Variants in GALNT9 observed in about 807,000 individuals in gnomAD.
GALNT9 encodes the protein polypeptide N-acetylgalactosaminyltransferase 9.
A neutral mutation model predicts 63.1 loss-of-function variants in GALNT9; 47 were observed. That is an observed-to-expected ratio of 0.75 (90% confidence interval 0.59 to 0.95). The LOEUF is 0.95. Ranked by LOEUF, GALNT9 falls within the 40% of genes least tolerant of loss-of-function variation. The pLI is 0.00. For synonymous variants in GALNT9, 396 were observed against 365.7 expected (o/e 1.08, Z -0.94); for missense variants, 829 against 874.8 (o/e 0.95, Z 0.66).
At chr12:132,321,655 C>T (rs536473539) in intron 1 of GALNT9, among the ~76,000 whole-genome samples, 7 of 152,244 alleles carry the variant, frequency 4.6e-5, no homozygotes, top group South Asian at 2.1e-4. Flanking sequence ...GCACTTCCCC[C>T]GGATTCTCTC....
chr12:132,222,847 A>G (rs1377576441), intron 6 of GALNT9, among the ~76,000 whole-genome samples: 1 of 126,502 alleles, frequency 7.9e-6, no homozygotes, highest in Non-Finnish European at 1.7e-5. Flanking sequence ...CAACCCGCAC[A>G]CCACACACAC....
At chr12:132,204,672 G>A (rs530310229) in intron 6 of GALNT9, among the ~76,000 whole-genome samples, 1 of 152,014 alleles carries the variant, frequency 6.6e-6, no homozygotes, top group African/African-American at 2.4e-5. Flanking sequence ...CTAAGCCCAC[G>A]TCCCCACCAT....
At position 132,329,211 on chromosome 12, in the gene GALNT9, G is replaced by A. The variant is rs1555246778; in HGVS notation, c.-8C>T. 6.5e-7 allele frequency: 1 copy of A among 1,540,288 alleles called. No individual in the cohort carries two copies. The highest frequency in any genetic ancestry group is 1.4e-5 in the African/African-American group (1 of 72,776). ...CTTCCTGGCCACCGCCATGAACACG[G>A]CTGCAGCGGGGGCCTCACCCGCGGG... is the stretch of plus-strand genomic sequence containing the variant. On this transcript the variant is annotated 5_prime_UTR_variant, in exon 1 of 11. Coordinates refer to ENST00000328957, the MANE Select transcript of GALNT9 (RefSeq NM_001122636.2).
In GALNT9 at chr12:132,252,069, G is replaced by A. The variant is rs577257121; in HGVS notation, c.960-4042C>T. ...CTCCGTGATGAGGATGGTCCCCAGC[G>A]TCTGTCTGGGAGAAAGGAGCAGGGG... is the stretch of plus-strand genomic sequence containing the variant. On this transcript the variant is annotated intron_variant, in intron 5 of 10. Transcript: ENST00000328957. This position sits in a 1 kb window ranked among gnomAD's most constrained non-coding sequence, Gnocchi z 5.2. 4.6e-5 allele frequency among the ~76,000 whole-genome samples: 7 copies of A among 152,342 alleles called. No homozygotes were observed. The highest frequency in any genetic ancestry group is 7.2e-5 in the African/African-American group (3 of 41,576).
chr12:132,319,638 G>A lies in GALNT9; in HGVS notation c.238+9328C>T, dbSNP rs1555245962. Among the ~76,000 whole-genome samples, 1 of 152,106 alleles carries A rather than the reference G, an allele frequency of 6.6e-6. No individual in the cohort carries two copies. Among genetic ancestry groups the A allele is most frequent in the Non-Finnish European group, 1.5e-5 (1 of 68,018 alleles). On this transcript the variant is annotated intron_variant, in intron 1 of 10. Coordinates refer to ENST00000328957, the MANE Select transcript of GALNT9 (RefSeq NM_001122636.2). This position sits in a 1 kb window ranked among gnomAD's most constrained non-coding sequence, Gnocchi z 5.2. Reference sequence around the variant, plus strand: ...CGGGAGAGCCCTGACGCACACACTAGCTGAGTTTGCTTTTCAACAGGCCTT... The same window carrying A: ...CGGGAGAGCCCTGACGCACACACTAACTGAGTTTGCTTTTCAACAGGCCTT...
At chr12:132,198,341 G>T (rs952930363) in intron 9 of GALNT9, among the ~76,000 whole-genome samples, 1 of 152,208 alleles carries the variant, frequency 6.6e-6, no homozygotes, top group Non-Finnish European at 1.5e-5. Flanking sequence ...TTCCCGTGGG[G>T]TTAGAAACGT....
chr12:132,261,998 T>C (rs28579147), intron 3 of GALNT9, among the ~76,000 whole-genome samples: 9,466 of 152,042 alleles, frequency 0.062, 983 homozygotes, highest in African/African-American at 0.21. Context: ...GCAAGAGAGG[T>C]GGGAGGCGTG....
chr12:132,263,117 G>T (rs1879467662), intron 2 of GALNT9, among the ~76,000 whole-genome samples: 1 of 152,102 alleles, frequency 6.6e-6, no homozygotes, highest in Non-Finnish European at 1.5e-5. Context: ...CGGCGCTGCT[G>T]GGCACAGCCG....
chr12:132,272,264 C>T (rs975024688), intron 2 of GALNT9, among the ~76,000 whole-genome samples: 13 of 152,314 alleles, frequency 8.5e-5, no homozygotes, highest in African/African-American at 2.9e-4. Context: ...ACCCCCTCAA[C>T]GGGACAGAGT....
At chr12:132,247,304 G>C in intron 6 of GALNT9, 1 of 337,178 alleles carries the variant, frequency 3.0e-6, no homozygotes, top group Non-Finnish European at 5.8e-6. Context: ...TCACCTGGGG[G>C]CAATTCATAA....
At chr12:132,235,381 A>G (rs1877965534) in intron 6 of GALNT9, among the ~76,000 whole-genome samples, 1 of 152,130 alleles carries the variant, frequency 6.6e-6, no homozygotes. Flanking sequence ...GGTAGAGCCA[A>G]GATTTGAACC....
chr12:132,243,514 G>A (rs1420385764), intron 6 of GALNT9, among the ~76,000 whole-genome samples: 3 of 150,144 alleles, frequency 2.0e-5, no homozygotes, highest in Admixed American at 1.3e-4. Flanking sequence ...AGTTGGGTTC[G>A]TAGGGGCAGC....
At chr12:132,210,171 T>A (rs1025373957) in intron 6 of GALNT9, among the ~76,000 whole-genome samples, 2 of 152,158 alleles carry the variant, frequency 1.3e-5, no homozygotes, top group African/African-American at 4.8e-5. Context: ...GCCCGTCGTC[T>A]GCAGGCCCCG....
chr12:132,199,075 C>G (rs1179826596), intron 9 of GALNT9, 99 bp downstream of exon 9: 3 of 773,198 alleles, frequency 3.9e-6, no homozygotes, highest in East Asian at 5.2e-5. Flanking sequence ...TCAGAACACC[C>G]CAGCAGGCTG....
At chr12:132,250,945 G>A (rs1046214242) in intron 5 of GALNT9, among the ~76,000 whole-genome samples, 2 of 152,198 alleles carry the variant, frequency 1.3e-5, no homozygotes, top group African/African-American at 2.4e-5. Flanking sequence ...TAGTGAGCCC[G>A]GTGCCCGTGA....
intron 9 of GALNT9, 105 bp from the exon 10 acceptor site, chr12:132,198,064 G>A (rs999382996): frequency 2.0e-4 from 192 of 973,004 alleles, no homozygotes; most frequent in African/African-American, 3.9e-4. Context: ...GGGGCCCTGC[G>A]CGGCTGCCTT....
Position 132,309,518 on chromosome 12 carries a change from G to A in GALNT9, c.238+19448C>T, listed in dbSNP as rs1238321173. ...GAGGTCATCCTGGACTCGGGGCAGC[G>A]GGGTGTAAATCCAGTAAGAAGCATC... On this transcript the variant is annotated intron_variant, in intron 1 of 10. Coordinates refer to ENST00000328957, the MANE Select transcript of GALNT9 (RefSeq NM_001122636.2). Among the ~76,000 whole-genome samples the A allele has an allele frequency of 5.3e-5, 8 of 152,218 alleles. No homozygotes were observed. The East Asian group carries it at 5.8e-4, about 11-fold the overall frequency.
chr12:132,288,328 T>C (rs868921748), intron 1 of GALNT9, among the ~76,000 whole-genome samples: 11 of 152,266 alleles, frequency 7.2e-5, no homozygotes, highest in Admixed American at 5.2e-4. Context: ...CGTATTTATG[T>C]AGGACTGAAG....
chr12:132,237,220 G>T (rs1303957571), intron 6 of GALNT9, among the ~76,000 whole-genome samples: 1 of 152,060 alleles, frequency 6.6e-6, no homozygotes, highest in Non-Finnish European at 1.5e-5. Flanking sequence ...TATCTGCCGT[G>T]TACCCTCAGC....
Sources: allele counts gnomAD v4.1 joint callset (sites outside exome capture counted in the v4.1 genomes callset), GRCh38; gene constraint gnomAD v4.1.1; non-coding constraint Gnocchi (gnomAD v3.1); transcripts MANE v1.5; gene names NCBI Gene and HGNC (gene_info 2026-07-23, HGNC 2026-07-21).